Variants in GRIA4 observed in about 807,000 individuals in gnomAD.
GRIA4 encodes glutamate ionotropic receptor AMPA type subunit 4.
A neutral mutation model predicts 104.0 loss-of-function variants in GRIA4; 34 were observed. That is an observed-to-expected ratio of 0.33 (90% CI 0.25 to 0.44). GRIA4 has a LOEUF of 0.44. Ranked by LOEUF, GRIA4 falls within the 20% of genes least tolerant of loss-of-function variation. The probability of loss-of-function intolerance (pLI) is 1.00; values close to 1 mark genes in which losing one functional copy is unlikely to be tolerated. For synonymous variants in GRIA4, 386 were observed against 381.9 expected, an observed-to-expected ratio of 1.01 and a Z score of -0.13; for missense variants, 750 against 1,096.5, an observed-to-expected ratio of 0.68 and a Z score of 4.46.
Position 105,696,040 on chromosome 11 carries a change from C to A in GRIA4, c.248-56941C>A, listed in dbSNP as rs1953265622. Among the ~76,000 whole-genome samples, 3 of 152,328 alleles carry A rather than the reference C, an allele frequency of 2.0e-5. No homozygotes were observed. In the South Asian group the frequency reaches 6.2e-4, roughly 32 times the overall value. On this transcript the variant is annotated intron_variant, in intron 3 of 16. Transcript: ENST00000282499. ...GGCATTTCAGTTCTTCTGAAGAAAT[C>A]TTCAATTTCCTGAAGGCATCAACCT...
chr11:105,858,261 T>C (rs949994808), intron 4 of GRIA4, among the ~76,000 whole-genome samples: 4 of 152,302 alleles, frequency 2.6e-5, no homozygotes, highest in South Asian at 2.1e-4. Flanking sequence ...GCATAATGGA[T>C]AGTTTACCTA....
intron 3 of GRIA4, 60 bp from the exon 4 acceptor site, chr11:105,752,921 T>G: frequency 6.5e-7 from 1 of 1,534,968 alleles, no homozygotes; most frequent in South Asian, 1.1e-5. Flanking sequence ...GAATGTAGAC[T>G]TCAAAGTCAA....
At chr11:105,909,053 C>T (rs1947140913) in intron 9 of GRIA4, among the ~76,000 whole-genome samples, 1 of 152,114 alleles carries the variant, frequency 6.6e-6, no homozygotes, top group African/African-American at 2.4e-5. Context: ...GATTGATTCA[C>T]AGGGACTATT....
At chr11:105,935,923 C>T (rs917039783) in intron 14 of GRIA4, among the ~76,000 whole-genome samples, 1 of 152,276 alleles carries the variant, frequency 6.6e-6, no homozygotes, top group African/African-American at 2.4e-5. Context: ...TTTTCCTGTC[C>T]TTCCCTGGAC....
intron 13 of GRIA4, among the ~76,000 whole-genome samples, chr11:105,931,711 C>CA (rs372902388): frequency 1.3e-3 from 197 of 146,146 alleles, no homozygotes; most frequent in Non-Finnish European, 6.5e-4. Flanking sequence ...TCTGCCCCCT[C>CA]AAAAAAAAAA....
At chr11:105,823,493 T>C (rs1407086100) in intron 4 of GRIA4, among the ~76,000 whole-genome samples, 1 of 151,952 alleles carries the variant, frequency 6.6e-6, no homozygotes, top group Non-Finnish European at 1.5e-5. Flanking sequence ...AGAAAGCAGG[T>C]GGTGGAAAGG....
At chr11:105,719,647 C>T (rs184115930) in intron 3 of GRIA4, among the ~76,000 whole-genome samples, 18 of 152,114 alleles carry the variant, frequency 1.2e-4, no homozygotes, top group African/African-American at 4.3e-4. Flanking sequence ...AGCCTCATGA[C>T]TCATGGGGCT....
chr11:105,914,240 T>C (rs1222558781), intron 10 of GRIA4, among the ~76,000 whole-genome samples: 1 of 151,872 alleles, frequency 6.6e-6, no homozygotes, highest in Non-Finnish European at 1.5e-5. Flanking sequence ...TTTTTCTGAA[T>C]TGAATAATAA....
chr11:105,884,991 A>C (rs1466805752), intron 5 of GRIA4, among the ~76,000 whole-genome samples: 1 of 96,156 alleles, frequency 1.0e-5, no homozygotes, highest in East Asian at 3.0e-4. Flanking sequence ...ACAGGGGCTT[A>C]GAGAGAGTGC....
chr11:105,836,914 G>C (rs929372916), intron 4 of GRIA4, among the ~76,000 whole-genome samples: 4 of 152,080 alleles, frequency 2.6e-5, no homozygotes, highest in South Asian at 2.1e-4. Context: ...TGACCTAGCA[G>C]CATGTATTAG....
intron 3 of GRIA4, among the ~76,000 whole-genome samples, chr11:105,630,906 C>A (rs771893898): frequency 6.6e-6 from 1 of 152,114 alleles, no homozygotes; most frequent in Non-Finnish European, 1.5e-5. Flanking sequence ...CCTCCATCCT[C>A]CCTCTGAGTT....
intron 5 of GRIA4, among the ~76,000 whole-genome samples, chr11:105,883,738 C>T (rs1379906146): frequency 2.0e-5 from 3 of 152,182 alleles, no homozygotes; most frequent in African/African-American, 4.8e-5. Flanking sequence ...AATAAACATA[C>T]GTGTGCATGT....
In GRIA4 at chr11:105,962,722, C is replaced by T. The variant is rs113092855; in HGVS notation, c.2295-9192C>T. On this transcript the variant is annotated intron_variant, in intron 14 of 16. Transcript: ENST00000282499. The stretch of plus-strand genomic sequence containing the variant: ...TACCTTGAACCTATTTCAGTCTATG[C>T]AACGTCATTGTCAACACATCTGGTT... Among the ~76,000 whole-genome samples the T allele has an allele frequency of 3.2e-3, 481 of 152,274 alleles. 6 individuals are homozygous for T. Among genetic ancestry groups the T allele is most frequent in the African/African-American group, 0.011 (459 of 41,574 alleles).
intron 3 of GRIA4, among the ~76,000 whole-genome samples, chr11:105,683,089 G>T (rs1952762264): frequency 6.6e-6 from 1 of 151,972 alleles, no homozygotes; most frequent in African/African-American, 2.4e-5. Flanking sequence ...AAATAAATTT[G>T]CTAAACTAAG....
chr11:105,855,719 T>C (rs1944985975), intron 4 of GRIA4, among the ~76,000 whole-genome samples: 1 of 152,136 alleles, frequency 6.6e-6, no homozygotes, highest in Non-Finnish European at 1.5e-5. Context: ...TAAATAATGA[T>C]GGAGGCAAAC....
intron 4 of GRIA4, among the ~76,000 whole-genome samples, chr11:105,825,047 C>A (rs61900359): frequency 4.6e-5 from 7 of 152,016 alleles, no homozygotes; most frequent in Admixed American, 2.6e-4. Context: ...AGTTTGTTTA[C>A]CCTATTTATG....
chr11:105,828,836 A>G (rs951761781), intron 4 of GRIA4, among the ~76,000 whole-genome samples: 2 of 151,956 alleles, frequency 1.3e-5, no homozygotes, highest in African/African-American at 4.8e-5. Context: ...TTCTTATTCC[A>G]TGGGGTGTCC....
chr11:105,781,246 G>A (rs964128037), intron 4 of GRIA4, among the ~76,000 whole-genome samples: 1 of 152,026 alleles, frequency 6.6e-6, no homozygotes, highest in Non-Finnish European at 1.5e-5. Context: ...TTTTCCCCCA[G>A]GACCCCATTC....
chr11:105,922,875 C>T (rs1350350430), intron 11 of GRIA4, among the ~76,000 whole-genome samples: 2 of 152,036 alleles, frequency 1.3e-5, no homozygotes. Flanking sequence ...GTTCACATAT[C>T]ACTTATGTAA....
Sources: allele counts gnomAD v4.1 joint callset (sites outside exome capture counted in the v4.1 genomes callset), GRCh38; gene constraint gnomAD v4.1.1; transcripts MANE v1.5; gene names NCBI Gene and HGNC (gene_info 2026-07-23, HGNC 2026-07-21).